Variants in ADGRL2 observed in about 807,000 individuals in gnomAD.
ADGRL2 encodes calcium-independent alpha-latrotoxin receptor 2.
Under a neutral mutation model 157.4 loss-of-function variants are expected in ADGRL2, and 44 were observed. The observed-to-expected ratio is 0.28, with a 90% CI of 0.22 to 0.36. The LOEUF is 0.36. Ranked by LOEUF, ADGRL2 falls within the 10% of genes least tolerant of loss-of-function variation. ADGRL2 has a pLI of 1.00. For synonymous variants in ADGRL2, 585 were observed against 624.7 expected, an observed-to-expected ratio of 0.94 and a Z score of 0.95; for missense variants, 1,510 against 1,768.9, an observed-to-expected ratio of 0.85 and a Z score of 2.63.
chr1:81,412,458 C>A lies in ADGRL2; in HGVS notation c.-301-32578C>A, dbSNP rs556503233. ...TACAGTTCAACTTTAATGTTAGCTT[C>A]CCCAGATCCACCTCTCTAACTTAGA... On this transcript the variant is annotated intron_variant, in intron 1 of 24. Coordinates refer to the ADGRL2 transcript ENST00000370721. Among the ~76,000 whole-genome samples the A allele has an allele frequency of 2.0e-5, 3 of 152,298 alleles. No individual in the cohort carries two copies. The South Asian group carries it at 6.2e-4, about 32-fold the overall frequency.
At chr1:81,817,471 A>G (rs905060860) in intron 1 of ADGRL2, among the ~76,000 whole-genome samples, 1 of 152,022 alleles carries the variant, frequency 6.6e-6, no homozygotes, top group Non-Finnish European at 1.5e-5. Context: ...ATATGTAAAT[A>G]ATACACATTT....
intron 3 of ADGRL2, among the ~76,000 whole-genome samples, chr1:81,679,716 G>A (rs926983517): frequency 5.9e-5 from 9 of 152,190 alleles, no homozygotes; most frequent in Admixed American, 4.6e-4. Flanking sequence ...TCTAGAAAGA[G>A]AAGATAGAGT....
chr1:81,660,917 G>A (rs2082637537), intron 3 of ADGRL2, among the ~76,000 whole-genome samples: 1 of 152,178 alleles, frequency 6.6e-6, no homozygotes, highest in Non-Finnish European at 1.5e-5. Flanking sequence ...ACATGTAACT[G>A]TTAGAGGAGA....
chr1:81,467,470 C>T (rs1352805747), intron 2 of ADGRL2, among the ~76,000 whole-genome samples: 2 of 152,190 alleles, frequency 1.3e-5, no homozygotes, highest in Non-Finnish European at 2.9e-5. Flanking sequence ...AGAGATTTTA[C>T]AGCGCTCCAG....
intron 1 of ADGRL2, among the ~76,000 whole-genome samples, chr1:81,336,074 C>G (rs1456041605): frequency 6.6e-6 from 1 of 152,136 alleles, no homozygotes; most frequent in Non-Finnish European, 1.5e-5. Flanking sequence ...TTATCAGACA[C>G]CCATTGTGAT....
intron 3 of ADGRL2, among the ~76,000 whole-genome samples, chr1:81,598,425 A>G (rs927734028): frequency 1.3e-5 from 2 of 152,234 alleles, no homozygotes; most frequent in South Asian, 4.1e-4. Context: ...AGTTCTTACA[A>G]TAATTGAGAT....
At chr1:81,922,244 AG>A (rs2094998505) in intron 3 of ADGRL2, among the ~76,000 whole-genome samples, 2 of 152,104 alleles carry the variant, frequency 1.3e-5, no homozygotes, top group South Asian at 4.1e-4. Context: ...CTGTTCAGGG[AG>A]GTATTCAGCT....
rs145427848 is a variant in ADGRL2 at position 81,955,564 on chromosome 1, A to C, written c.1834-313A>C. 5.8e-3 allele frequency among the ~76,000 whole-genome samples: 877 copies of C among 152,284 alleles called. 5 individuals are homozygous for C. The highest frequency in any genetic ancestry group is 0.02 in the African/African-American group (831 of 41,574). On this transcript the variant is annotated intron_variant, in intron 10 of 23. Coordinates refer to ENST00000686636, the MANE Select transcript of ADGRL2 (RefSeq NM_001366006.2). Reference sequence around the variant, plus strand: ...TCTACCTGTAAGAGTAATGTCTCAGATTAAGAGCTGACACAGGTGGTTGTC... The same window carrying C: ...TCTACCTGTAAGAGTAATGTCTCAGCTTAAGAGCTGACACAGGTGGTTGTC...
intron 1 of ADGRL2, among the ~76,000 whole-genome samples, chr1:81,428,484 A>G (rs1344629614): frequency 1.3e-5 from 2 of 152,224 alleles, no homozygotes; most frequent in East Asian, 3.9e-4. Context: ...GAAGAGGTGT[A>G]CACATTTATT....
chr1:81,787,664 A>G (rs1188733786), intron 2 of ADGRL2, among the ~76,000 whole-genome samples: 3 of 152,160 alleles, frequency 2.0e-5, no homozygotes, highest in East Asian at 1.9e-4. Context: ...TCAAAAAAAA[A>G]AGAAAAGTTT....
intron 2 of ADGRL2, among the ~76,000 whole-genome samples, chr1:81,564,181 G>A (rs1051552199): frequency 1.3e-5 from 2 of 152,124 alleles, no homozygotes; most frequent in Non-Finnish European, 2.9e-5. Flanking sequence ...TGTACATAGA[G>A]GGTAGATGAA....
At chr1:81,941,994 G>A (rs1020170263) in intron 4 of ADGRL2, 40 bp from the exon 5 acceptor site, 2 of 759,006 alleles carry the variant, frequency 2.6e-6, no homozygotes, top group African/African-American at 3.5e-5. Flanking sequence ...TTTTTTCCTT[G>A]CACCTTTTTT....
At chr1:81,678,760 A>C (rs2083047466) in intron 3 of ADGRL2, among the ~76,000 whole-genome samples, 1 of 152,192 alleles carries the variant, frequency 6.6e-6, no homozygotes, top group African/African-American at 2.4e-5. Context: ...GGATGCTGTG[A>C]ATTTAATGAG....
chr1:81,863,072 A>T (rs944639877), intron 2 of ADGRL2, among the ~76,000 whole-genome samples: 2 of 152,128 alleles, frequency 1.3e-5, no homozygotes, highest in Non-Finnish European at 2.9e-5. Flanking sequence ...GTTTTTAAAA[A>T]TTTTATGGGG....
intron 1 of ADGRL2, among the ~76,000 whole-genome samples, chr1:81,307,877 A>G (rs1659459541): frequency 6.6e-6 from 1 of 152,148 alleles, no homozygotes; most frequent in African/African-American, 2.4e-5. Flanking sequence ...TTTTGAGTAC[A>G]GTACAAGGCA....
chr1:81,769,764 G>T (rs2086276937), intron 2 of ADGRL2, among the ~76,000 whole-genome samples: 1 of 152,094 alleles, frequency 6.6e-6, no homozygotes, highest in African/African-American at 2.4e-5. Flanking sequence ...AATCTGAAGG[G>T]AAATTACATC....
In ADGRL2 at chr1:81,721,147, C is replaced by T. The variant is rs72715724; in HGVS notation, c.-143+21339C>T. Among the ~76,000 whole-genome samples, 29 of 149,812 alleles carry T rather than the reference C, an allele frequency of 1.9e-4. 1 individual carries two copies. The highest frequency in any genetic ancestry group is 7.4e-4 in the Admixed American group (11 of 14,858). On this transcript the variant is annotated intron_variant, in intron 1 of 20. Transcript: ENST00000359929. ...TCAGCCTCCCAAAGTGCTGGGATTA[C>T]GGGTGTGAGCCACCGCACCCCGCCA...
chr1:81,821,525 T>C (rs1158874632), intron 1 of ADGRL2, among the ~76,000 whole-genome samples: 1 of 152,176 alleles, frequency 6.6e-6, no homozygotes, highest in Non-Finnish European at 1.5e-5. Context: ...TGACTTGTAT[T>C]AAGATCTTAT....
intron 2 of ADGRL2, among the ~76,000 whole-genome samples, chr1:81,524,929 A>G (rs935810680): frequency 6.6e-6 from 1 of 152,100 alleles, no homozygotes; most frequent in Non-Finnish European, 1.5e-5. Context: ...ATAGGATGGA[A>G]TATATACATT....
Sources: gnomAD v4.1 joint callset for allele counts (sites outside exome capture counted in the v4.1 genomes callset) on GRCh38, gnomAD v4.1.1 for gene constraint, MANE v1.5 for transcripts, NCBI Gene and HGNC (gene_info 2026-07-23, HGNC 2026-07-21) for gene names.